Variants in ZNF557 observed in about 807,000 individuals in gnomAD.
ZNF557 encodes CTB-25J19.9.
In ZNF557, 19 loss-of-function variants were observed where a neutral mutation model predicts 21.2. That is an observed-to-expected ratio of 0.90 (90% CI 0.63 to 1.32). The LOEUF is 1.32. Ranked by LOEUF, ZNF557 falls within the 40% of genes most tolerant of loss-of-function variation. The probability of loss-of-function intolerance (pLI) is 0.00; values close to 1 mark genes in which losing one functional copy is unlikely to be tolerated. For missense variants in ZNF557, 487 were observed against 519.8 expected, an observed-to-expected ratio of 0.94 and a Z score of 0.61; for synonymous variants, 207 against 194.8, an observed-to-expected ratio of 1.06 and a Z score of -0.52.
At position 7,082,922 on chromosome 19, in the gene ZNF557, T is replaced by C. The variant is rs1288941276; in HGVS notation, c.471T>C (p.Cys157=). 1.2e-6 allele frequency: 2 copies of C among 1,609,558 alleles called. No homozygotes were observed. The highest frequency in any genetic ancestry group is 1.7e-6 in the Non-Finnish European group (2 of 1,177,618). Residue 157 remains cysteine, a synonymous_variant, in exon 8 of 8, where the codon TGT becomes TGC. Coordinates refer to ENST00000252840, the MANE Select transcript of ZNF557 (RefSeq NM_024341.3). The stretch of plus-strand genomic sequence containing the variant: ...CAACACTCAACGAATGTAATCAGTG[T>C]TTTAAAGTCTTCAGCACAAAATCTT... ...LGATLNECNQ[C]FKVFSTKSSL...
chr19:7,082,005 CCTAAG>C lies in ZNF557; in HGVS notation c.382_386del (p.Lys128AlafsTer9). On this transcript the variant is annotated frameshift_variant, in exon 7 of 8. Transcript: ENST00000252840. LOFTEE classifies it low-confidence loss of function (END_TRUNC). ...TCCATTTAAAGCCAAAGGGTTAACT[CCTAAG>C]CTGCATGTTTTTCGAAAAGAACAAT... The C allele has an allele frequency of 6.2e-7, 1 of 1,614,028 alleles. No homozygotes were observed. The highest frequency in any genetic ancestry group is 2.2e-5 in the East Asian group (1 of 44,876).
Position 7,083,619 on chromosome 19 carries a change from T to C in ZNF557, c.1168T>C (p.Ser390Pro). 1 of 1,614,058 alleles carries C rather than the reference T, an allele frequency of 6.2e-7. No individual in the cohort carries two copies. Residue 390 changes from serine to proline, a missense_variant, in exon 8 of 8, where the codon TCC becomes CCC. Physicochemically the swap from Ser to Pro is moderately conservative, Grantham distance 74. Transcript: ENST00000252840. ...DCGKSFNVLS[S>P]VKKHMRTHTG... The stretch of plus-strand genomic sequence containing the variant: ...TGGAAAATCCTTTAATGTTCTCTCA[T>C]CCGTTAAGAAACACATGAGAACTCA...
intron 5 of ZNF557, among the ~76,000 whole-genome samples, chr19:7,078,899 C>G (rs1340858776): frequency 3.3e-5 from 5 of 152,082 alleles, no homozygotes; most frequent in Non-Finnish European, 7.4e-5. Flanking sequence ...CTTAATTGAC[C>G]TGTCATCAAG....
rs977178597 is a variant in ZNF557, at chr19:7,070,716, T to C, written c.-80+63T>C. The C allele has an allele frequency of 4.6e-5, 7 of 152,152 alleles. 1 individual carries two copies. In the South Asian group the frequency reaches 1.2e-3, roughly 27 times the overall value. The allele number at this position is 152,152 out of a possible 1,614,324, so 9.4% of individuals were successfully genotyped here. On this transcript the variant is annotated intron_variant, in intron 2 of 7. Transcript: ENST00000252840. Reference sequence around the variant, plus strand: ...ACTGTGTAGAAAACCTGTGAATGGATTTTTCCTGTGTTCAGGTTGTAAACA... The same window carrying C: ...ACTGTGTAGAAAACCTGTGAATGGACTTTTCCTGTGTTCAGGTTGTAAACA...
chr19:7,085,766 C>T lies in ZNF557; in HGVS notation c.*2022C>T, dbSNP rs559715278. The T allele has an allele frequency of 2.0e-5, 3 of 152,220 alleles. No individual in the cohort carries two copies. Among genetic ancestry groups the T allele is most frequent in the South Asian group, 2.1e-4 (1 of 4,826 alleles). 9.4% of individuals were successfully genotyped at this position (152,220 alleles called of 1,614,324 possible). A position where few individuals can be genotyped will look rare whatever the true frequency, so the allele number is the denominator to read the frequency against. ...TCATTTGTAGGTTGGGCCACTAGCT[C>T]GTTCATTTTCAGTCTTTTAATATAA... is the stretch of plus-strand genomic sequence containing the variant. On this transcript the variant is annotated 3_prime_UTR_variant, in exon 8 of 8. Transcript: ENST00000252840.
At position 7,083,561 on chromosome 19, in the gene ZNF557, T is replaced by G; in HGVS notation, c.1110T>G (p.His370Gln). ...CTCTTACAATTCACAGGAGAATACA[T>G]AATGGAGAGAAATCCTATGAGTGCA... ...SFSLTIHRRIHNGEKSYECSD... is the reference protein window; with the variant it reads ...SFSLTIHRRIQNGEKSYECSD... Residue 370 changes from histidine (H) to glutamine (Q), a missense_variant, in exon 8 of 8, where the codon CAT becomes CAG. Transcript: ENST00000252840. The G allele has an allele frequency of 6.2e-7, 1 of 1,614,180 alleles. No individual in the cohort carries two copies. The highest frequency in any genetic ancestry group is 1.1e-5 in the South Asian group (1 of 91,078).
intron 5 of ZNF557, among the ~76,000 whole-genome samples, chr19:7,078,494 G>A (rs1008452202): frequency 8.1e-5 from 12 of 148,922 alleles, no homozygotes; most frequent in Admixed American, 3.4e-4. Flanking sequence ...GCACTGGCAC[G>A]ATCTCAGCTC....
intron 6 of ZNF557, 100 bp from the exon 7 acceptor site, chr19:7,081,870 C>A: frequency 1.1e-6 from 1 of 873,780 alleles, no homozygotes; most frequent in African/African-American, 1.7e-5. Flanking sequence ...CCTCACCTCT[C>A]AGATTCTGCC....
At chr19:7,081,150 G>GGTGTGTGTGT (rs531191945) in intron 5 of ZNF557, among the ~76,000 whole-genome samples, 4 of 139,196 alleles carry the variant, frequency 2.9e-5, no homozygotes, top group African/African-American at 8.4e-5. Context: ...TTGCTTGTGG[G>GGTGTGTGTGT]GTGTGTGTGT....
In ZNF557 at chr19:7,087,250, C is replaced by CAG. The variant is rs1351601964; in HGVS notation, c.*3507_*3508dup. ...TTCTTCACTGTGGTGATAAAAACCA[C>CAG]AGTGCAGGGGCTGGGCGTGGTGGCT... On this transcript the variant is annotated 3_prime_UTR_variant, in exon 8 of 8. Transcript: ENST00000252840. 3 of 93,076 alleles carry CAG rather than the reference C, an allele frequency of 3.2e-5. No individual in the cohort carries two copies. The highest frequency in any genetic ancestry group is 3.9e-5 in the Non-Finnish European group (2 of 51,852). The allele number at this position is 93,076 out of a possible 1,614,324, so 5.8% of individuals were successfully genotyped here.
rs936029214 is a variant in ZNF557 at position 7,086,341 on chromosome 19, T to C, written c.*2597T>C. Reference sequence around the variant, plus strand: ...GTTGTTTTCTCTTTGTGTCCTAATATAGCAAATACTGTTTCTTTTTTTTTT... The same window carrying C: ...GTTGTTTTCTCTTTGTGTCCTAATACAGCAAATACTGTTTCTTTTTTTTTT... On this transcript the variant is annotated 3_prime_UTR_variant, in exon 8 of 8. Coordinates refer to ENST00000252840, the MANE Select transcript of ZNF557 (RefSeq NM_024341.3). 16 of 148,206 alleles carry C rather than the reference T, an allele frequency of 1.1e-4. No individual in the cohort carries two copies. The highest frequency in any genetic ancestry group is 4.0e-4 in the African/African-American group (16 of 40,376). The allele number at this position is 148,206 out of a possible 1,614,324, so 9.2% of individuals were successfully genotyped here.
At chr19:7,075,166 A>G (rs1174297692) in intron 3 of ZNF557, 61 bp downstream of exon 3, 2 of 1,609,642 alleles carry the variant, frequency 1.2e-6, no homozygotes, top group African/African-American at 1.3e-5. Flanking sequence ...GACCCACAGC[A>G]TGGGATGGGA....
Position 7,082,955 on chromosome 19 carries a change from A to G in ZNF557, c.504A>G (p.Thr168=), listed in dbSNP as rs2145176809. Residue 168 remains threonine, a synonymous_variant, in exon 8 of 8, where the codon ACA becomes ACG. Transcript: ENST00000252840. ...TCTTCAGCACAAAATCTTCCCTTAC[A>G]CGGCACAGGAAGATTCATACTGGAG... The part of the protein sequence containing the change: ...FKVFSTKSSL[T]RHRKIHTGER... The G allele has an allele frequency of 6.2e-7, 1 of 1,613,826 alleles. No homozygotes were observed. Among genetic ancestry groups the G allele is most frequent in the Non-Finnish European group, 8.5e-7 (1 of 1,179,856 alleles).
Position 7,085,789 on chromosome 19 carries a change from T to C in ZNF557, c.*2045T>C, listed in dbSNP as rs1345392109. On this transcript the variant is annotated 3_prime_UTR_variant, in exon 8 of 8. Transcript: ENST00000252840. ...CTCGTTCATTTTCAGTCTTTTAATATAAACATTTATGGCTATAGTGGTCCT... is the reference window on the plus strand; with the variant it reads ...CTCGTTCATTTTCAGTCTTTTAATACAAACATTTATGGCTATAGTGGTCCT... The C allele has an allele frequency of 1.3e-5, 2 of 152,190 alleles. No individual in the cohort carries two copies. The highest frequency in any genetic ancestry group is 3.8e-4 in the East Asian group (2 of 5,204). The allele number at this position is 152,190 out of a possible 1,614,324, so 9.4% of individuals were successfully genotyped here. A position where few individuals can be genotyped will look rare whatever the true frequency, so the allele number is the denominator to read the frequency against.
chr19:7,076,359 C>T (rs1281536743), intron 4 of ZNF557, 22 bp from the exon 5 acceptor site: 32 of 1,613,982 alleles, frequency 2.0e-5, no homozygotes, highest in Admixed American at 1.7e-4. Flanking sequence ...TTGGCTAAGC[C>T]GTGATGTTTG....
chr19:7,074,002 CT>C (rs55922947), intron 2 of ZNF557, among the ~76,000 whole-genome samples: 110,705 of 121,678 alleles, frequency 0.91, 50,454 homozygotes, highest in East Asian at 0.99. Flanking sequence ...CCCTTGACCA[CT>C]TTTTTTTTTT....
intron 2 of ZNF557, among the ~76,000 whole-genome samples, chr19:7,072,482 T>G (rs1977481477): frequency 6.6e-6 from 1 of 152,208 alleles, no homozygotes; most frequent in Non-Finnish European, 1.5e-5. Context: ...AAGCCTTTGC[T>G]GGCTCTCCAC....
intron 2 of ZNF557, 42 bp from the exon 3 acceptor site, chr19:7,074,954 G>C (rs1977553353): frequency 1.5e-5 from 23 of 1,540,416 alleles, no homozygotes; most frequent in Non-Finnish European, 2.0e-5. Context: ...GCACGGGCTG[G>C]AGGGGGTGAC....
chr19:7,079,236 GTTTCTT>G (rs1456537901), intron 5 of ZNF557, among the ~76,000 whole-genome samples: 2 of 107,152 alleles, frequency 1.9e-5, no homozygotes, highest in African/African-American at 7.1e-5. Context: ...TTCATTTTTT[GTTTCTT>G]TTTTTTTTTT....
Sources: allele counts gnomAD v4.1 joint callset (sites outside exome capture counted in the v4.1 genomes callset), GRCh38; gene constraint gnomAD v4.1.1; transcripts MANE v1.5; gene names NCBI Gene and HGNC (gene_info 2026-07-23, HGNC 2026-07-21).